Variants in JCAD observed in about 807,000 individuals in gnomAD.
The protein encoded by JCAD is junctional cadherin 5-associated protein.
In JCAD, 40 loss-of-function variants were observed where a neutral mutation model predicts 98.0. That is an observed-to-expected ratio of 0.41 (90% confidence interval 0.32 to 0.53). The LOEUF (loss-of-function observed/expected upper bound fraction) is 0.53. Ranked by LOEUF, JCAD falls within the 20% of genes least tolerant of loss-of-function variation. The probability of loss-of-function intolerance (pLI) is 0.31; values close to 1 mark genes in which losing one functional copy is unlikely to be tolerated. For missense variants in JCAD, 1,705 were observed against 1,738.1 expected, an observed-to-expected ratio of 0.98 and a Z score of 0.34; for synonymous variants, 691 against 682.3, an observed-to-expected ratio of 1.01 and a Z score of -0.20.
chr10:30,090,193 G>C (rs4749529), intron 1 of JCAD, among the ~76,000 whole-genome samples: 66,900 of 152,128 alleles, frequency 0.44, 16,812 homozygotes, highest in African/African-American at 0.68. Flanking sequence ...GCTCCCAAAC[G>C]ATCATGAGCA....
In JCAD at chr10:30,028,839, C is replaced by T; in HGVS notation, c.1309G>A (p.Ala437Thr). 1 of 1,614,198 alleles carries T rather than the reference C, an allele frequency of 6.2e-7. No individual in the cohort carries two copies. Among genetic ancestry groups the T allele is most frequent in the Non-Finnish European group, 8.5e-7 (1 of 1,180,042 alleles). Residue 437 changes from alanine to threonine, a missense_variant, in exon 3 of 4, where the codon GCT (alanine) becomes ACT (threonine). Physicochemically the swap from Ala to Thr is moderately conservative, Grantham distance 58. Coordinates refer to ENST00000375377, the MANE Select transcript of JCAD (RefSeq NM_020848.4). ...TCTTCACAGAAACCCTGGGGCTGAGCTAGTTTAAAATGTCGTAACCGTGGA... is the reference window on the plus strand; with the variant it reads ...TCTTCACAGAAACCCTGGGGCTGAGTTAGTTTAAAATGTCGTAACCGTGGA... ...DDPRLRHFKLAQPQGFCEDIK... is the reference protein window; with the variant it reads ...DDPRLRHFKLTQPQGFCEDIK...
chr10:30,034,529 T>C (rs929810416), intron 2 of JCAD, among the ~76,000 whole-genome samples: 1 of 152,194 alleles, frequency 6.6e-6, no homozygotes, highest in Non-Finnish European at 1.5e-5. Flanking sequence ...TTTTGAATGC[T>C]GAGAAGACTG....
chr10:30,073,102 G>A (rs970934389), intron 1 of JCAD, among the ~76,000 whole-genome samples: 1 of 152,174 alleles, frequency 6.6e-6, no homozygotes, highest in Admixed American at 6.5e-5. Flanking sequence ...GGGAGCTGAA[G>A]GTATTCACAG....
intron 1 of JCAD, among the ~76,000 whole-genome samples, chr10:30,054,245 G>A (rs1053340147): frequency 6.6e-6 from 1 of 152,236 alleles, no homozygotes; most frequent in Non-Finnish European, 1.5e-5. Context: ...GTACTTGAAA[G>A]GGGAAAAAAC....
chr10:30,061,696 C>T (rs7084626), upstream of JCAD, among the ~76,000 whole-genome samples: 4 of 150,368 alleles, frequency 2.7e-5, no homozygotes, highest in Admixed American at 6.6e-5. Context: ...AAATAGGATT[C>T]GACAAAATTT....
upstream of JCAD, among the ~76,000 whole-genome samples, chr10:30,064,568 T>C (rs562799293): frequency 1.4e-4 from 22 of 152,268 alleles, no homozygotes; most frequent in Non-Finnish European, 2.4e-4. Flanking sequence ...AAATATACAA[T>C]ACACTTGTTA....
intron 1 of JCAD, among the ~76,000 whole-genome samples, chr10:30,091,652 A>C (rs1174585399): frequency 6.6e-6 from 1 of 151,766 alleles, no homozygotes; most frequent in Non-Finnish European, 1.5e-5. Context: ...AATACTAAAA[A>C]CAGTTGAAAT....
chr10:30,106,195 G>A (rs1838576944), intron 1 of JCAD, among the ~76,000 whole-genome samples: 1 of 152,126 alleles, frequency 6.6e-6, no homozygotes, highest in Non-Finnish European at 1.5e-5. Flanking sequence ...TGCTGAGATG[G>A]GAGGATCACT....
intron 1 of JCAD, among the ~76,000 whole-genome samples, chr10:30,074,622 G>A (rs186132909): frequency 1.3e-5 from 2 of 152,306 alleles, no homozygotes. Context: ...ATAGATGAAA[G>A]GAGAATTCAA....
chr10:30,087,030 C>T (rs111509427), intron 1 of JCAD, among the ~76,000 whole-genome samples: 1 of 152,108 alleles, frequency 6.6e-6, no homozygotes, highest in African/African-American at 2.4e-5. Flanking sequence ...CAATTAAGCA[C>T]GTAGTGTGGT....
At chr10:30,033,671 A>G (rs1837049234) in intron 2 of JCAD, among the ~76,000 whole-genome samples, 1 of 152,196 alleles carries the variant, frequency 6.6e-6, no homozygotes, top group Non-Finnish European at 1.5e-5. Flanking sequence ...TTCCAGCAAC[A>G]CAGTCTGCTT....
rs759298863 is a variant in JCAD, at chr10:30,026,863, C to G, written c.3285G>C (p.Ala1095=). 6.2e-7 allele frequency: 1 copy of G among 1,613,848 alleles called. No individual in the cohort carries two copies. The highest frequency in any genetic ancestry group is 1.3e-5 in the African/African-American group (1 of 74,932). Residue 1095 remains alanine (A), a synonymous_variant, in exon 3 of 4, where the codon GCG becomes GCC. Coordinates refer to ENST00000375377, the MANE Select transcript of JCAD (RefSeq NM_020848.4). ...GGATGCCCGGCAGGAGGGACTCCAC[C>G]GCCACCTCAATGCCCAGGATCCTTG... ...RAARILGIEV[A]VESLLPGIRR...
At chr10:30,107,998 A>G (rs896629679) in intron 1 of JCAD, among the ~76,000 whole-genome samples, 1 of 152,072 alleles carries the variant, frequency 6.6e-6, no homozygotes, top group Non-Finnish European at 1.5e-5. Flanking sequence ...TGTTCCAGAA[A>G]TATGTCAGGA....
chr10:30,067,625 G>C (rs543456704), intron 2 of JCAD, among the ~76,000 whole-genome samples: 15 of 152,218 alleles, frequency 9.9e-5, no homozygotes, highest in African/African-American at 3.4e-4. Flanking sequence ...ACTGCAACTG[G>C]CCAAGAACTA....
intron 2 of JCAD, among the ~76,000 whole-genome samples, chr10:30,067,411 C>T (rs1471019266): frequency 1.3e-5 from 2 of 151,924 alleles, no homozygotes; most frequent in East Asian, 3.9e-4. Context: ...ACTGCAACCT[C>T]CGCCTCCCAG....
At chr10:30,052,661 G>A (rs575339102) in intron 1 of JCAD, among the ~76,000 whole-genome samples, 3 of 152,150 alleles carry the variant, frequency 2.0e-5, no homozygotes, top group Non-Finnish European at 2.9e-5. Flanking sequence ...GCACGCTTAC[G>A]CCAACGTAAA....
At chr10:30,108,202 C>T (rs549659547) in intron 1 of JCAD, among the ~76,000 whole-genome samples, 1 of 152,048 alleles carries the variant, frequency 6.6e-6, no homozygotes, top group African/African-American at 2.4e-5. Context: ...ATCCCAGCTA[C>T]TTGGGAAGCT....
intron 1 of JCAD, among the ~76,000 whole-genome samples, chr10:30,095,615 T>A (rs1838355028): frequency 6.6e-6 from 1 of 152,252 alleles, no homozygotes; most frequent in Non-Finnish European, 1.5e-5. Flanking sequence ...TTGGAACATT[T>A]ATCCTGCTAT....
intron 1 of JCAD, among the ~76,000 whole-genome samples, chr10:30,071,873 A>T (rs1216635661): frequency 6.6e-6 from 1 of 152,196 alleles, no homozygotes; most frequent in African/African-American, 2.4e-5. Flanking sequence ...GAATTCTGAC[A>T]CTAATACATT....
Sources: gnomAD v4.1 joint callset for allele counts (sites outside exome capture counted in the v4.1 genomes callset) on GRCh38, gnomAD v4.1.1 for gene constraint, MANE v1.5 for transcripts, NCBI Gene and HGNC (gene_info 2026-07-23, HGNC 2026-07-21) for gene names.